The following CADM4 variants were observed in gnomAD, a reference collection of about 807,000 sequenced individuals.
The protein encoded by CADM4 is TSLC1-like 2.
Under a neutral mutation model 43.9 loss-of-function variants are expected in CADM4, and 13 were observed. The observed-to-expected ratio is 0.30, with a 90% CI of 0.19 to 0.47. The LOEUF (loss-of-function observed/expected upper bound fraction) is 0.47. Ranked by LOEUF, CADM4 falls within the 20% of genes least tolerant of loss-of-function variation. The probability of loss-of-function intolerance (pLI) is 1.00; values close to 1 mark genes in which losing one functional copy is unlikely to be tolerated. For missense variants in CADM4, 420 were observed against 527.0 expected, an observed-to-expected ratio of 0.80 and a Z score of 1.99; for synonymous variants, 209 against 220.9, an observed-to-expected ratio of 0.95 and a Z score of 0.48.
At chr19:43,639,884 C>T, upstream of CADM4, 2 of 941,950 alleles carry the variant, frequency 2.1e-6, no homozygotes, top group East Asian at 1.2e-4. Context: ...GCCCCCTGCC[C>T]GCCCGGGGGC....
At position 43,627,089 on chromosome 19, in the gene CADM4, G is replaced by T. The variant is rs1166476405; in HGVS notation, c.364+77C>A. ...ATCCAGGATGTTAAAAATAGCCATG[G>T]TCTGAAAGTCTCAGGAGAAGAGAGA... On this transcript the variant is annotated intron_variant, in intron 3 of 8. Transcript: ENST00000222374. This position sits in a 1 kb window ranked among gnomAD's most constrained non-coding sequence, Gnocchi z 4.0. 4 of 1,505,008 alleles carry T rather than the reference G, an allele frequency of 2.7e-6. No homozygotes were observed. The African/African-American group carries it at 5.6e-5, about 21-fold the overall frequency. The allele number at this position is 1,505,008 out of a possible 1,614,324, so 93.2% of individuals were successfully genotyped here.
upstream of CADM4, among the ~76,000 whole-genome samples, chr19:43,641,686 T>C (rs1467808761): frequency 2.0e-5 from 3 of 152,190 alleles, no homozygotes; most frequent in Non-Finnish European, 4.4e-5. Flanking sequence ...CCCAGATCCA[T>C]AGCCCTGAGC....
intron 1 of CADM4, among the ~76,000 whole-genome samples, chr19:43,628,422 G>A (rs1358971574): frequency 5.3e-5 from 8 of 149,976 alleles, no homozygotes; most frequent in Admixed American, 2.0e-4. Context: ...GCGACAGAGC[G>A]AGACTCTGTC....
At chr19:43,630,536 G>A (rs994748186) in intron 1 of CADM4, among the ~76,000 whole-genome samples, 7 of 151,702 alleles carry the variant, frequency 4.6e-5, no homozygotes, top group Admixed American at 1.3e-4. Flanking sequence ...CACCCGCCTC[G>A]GCCTCCCAAA....
chr19:43,637,490 T>C (rs1189364940), intron 1 of CADM4, among the ~76,000 whole-genome samples: 1 of 152,148 alleles, frequency 6.6e-6, no homozygotes, highest in African/African-American at 2.4e-5. Context: ...GGGTAAGGCT[T>C]GGACCCAAGT....
In CADM4 at chr19:43,622,496, G is replaced by A. The variant is rs1048141155; in HGVS notation, c.*834C>T. The A allele has an allele frequency of 3.3e-5, 5 of 152,356 alleles. No individual in the cohort carries two copies. The East Asian group carries it at 9.7e-4, about 29-fold the overall frequency. 9.4% of individuals were successfully genotyped at this position (152,356 alleles called of 1,614,324 possible). A position where few individuals can be genotyped will look rare whatever the true frequency, so the allele number is the denominator to read the frequency against. ...TTTTTTGTTTTTTAACAAGAAAAAG[G>A]GGGCAAAAGCCAGGAATGGGGAGAG... On this transcript the variant is annotated 3_prime_UTR_variant, in exon 9 of 9. Transcript: ENST00000222374.
At chr19:43,640,894 C>T (rs1026934403), upstream of CADM4, among the ~76,000 whole-genome samples, 1 of 152,128 alleles carries the variant, frequency 6.6e-6, no homozygotes, top group African/African-American at 2.4e-5. Context: ...GGAAAGAAGG[C>T]CTCGACCTCT....
rs374847122 is a variant in CADM4 at position 43,626,110 on chromosome 19, C to G, written c.664+14G>C. On this transcript the variant is annotated intron_variant, in intron 5 of 8. Transcript: ENST00000222374. This position sits in a 1 kb window ranked among gnomAD's most constrained non-coding sequence, Gnocchi z 5.9. ...CGTTGGGATCCCTTGGGTCCTGGCC[C>G]GCCGGTCACTTACACTGCACATCCA... The G allele has an allele frequency of 8.1e-6, 13 of 1,613,264 alleles. No individual in the cohort carries two copies. The highest frequency in any genetic ancestry group is 9.3e-6 in the Non-Finnish European group (11 of 1,179,638).
chr19:43,623,449 T>TCTGTCACCCCCTCA lies in CADM4; in HGVS notation c.1058-11_1058-10insTGAGGGGGTGACAG. 1.3e-6 allele frequency: 2 copies of TCTGTCACCCCCTCA among 1,588,550 alleles called. No individual in the cohort carries two copies. Among genetic ancestry groups the TCTGTCACCCCCTCA allele is most frequent in the Non-Finnish European group, 1.7e-6 (2 of 1,157,234 alleles). On this transcript the variant is annotated splice_polypyrimidine_tract_variant and intron_variant, in intron 8 of 8. Coordinates refer to ENST00000222374, the MANE Select transcript of CADM4 (RefSeq NM_145296.2). The surrounding 1 kb of genome is among the most constrained non-coding windows in gnomAD (Gnocchi z 4.4). ...TGGGTCAGATAGGAACCTGAGGGGG[T>TCTGTCACCCCCTCA]GACAGACCCCCGGGGCAGGGGGGAC...
At chr19:43,635,767 T>C (rs150389661) in intron 1 of CADM4, among the ~76,000 whole-genome samples, 2,724 of 83,586 alleles carry the variant, frequency 0.033, 39 homozygotes, top group African/African-American at 0.045. Context: ...TCCCTCAGAC[T>C]CAGGAGTCTA....
intron 1 of CADM4, among the ~76,000 whole-genome samples, chr19:43,629,778 C>T (rs889272736): frequency 4.0e-5 from 6 of 151,896 alleles, no homozygotes; most frequent in African/African-American, 1.5e-4. Flanking sequence ...ACCACCATGC[C>T]GGGCTAATTT....
At position 43,626,095 on chromosome 19, in the gene CADM4, C is replaced by T; in HGVS notation, c.664+29G>A. 6.2e-7 allele frequency: 1 copy of T among 1,612,370 alleles called. No individual in the cohort carries two copies. The highest frequency in any genetic ancestry group is 8.5e-7 in the Non-Finnish European group (1 of 1,179,180). ...GGTGCGGGTGGCTGGCGTTGGGATC[C>T]CTTGGGTCCTGGCCCGCCGGTCACT... On this transcript the variant is annotated intron_variant, in intron 5 of 8. Coordinates refer to ENST00000222374, the MANE Select transcript of CADM4 (RefSeq NM_145296.2). This position sits in a 1 kb window ranked among gnomAD's most constrained non-coding sequence, Gnocchi z 5.9.
At chr19:43,637,796 C>T (rs1269146084) in intron 1 of CADM4, among the ~76,000 whole-genome samples, 2 of 152,140 alleles carry the variant, frequency 1.3e-5, no homozygotes, top group African/African-American at 4.8e-5. Context: ...GATCCAGGAA[C>T]TCCAAGACAT....
Position 43,638,708 on chromosome 19 carries a change from C to T in CADM4, c.64+1019G>A, listed in dbSNP as rs1568545429. On this transcript the variant is annotated intron_variant, in intron 1 of 8. Transcript: ENST00000222374. ...CCTGGACAGGGGCTTCTCTGTGAGT[C>T]AAGCCTGGGTGTGTGAATGGGTGAG... Among the ~76,000 whole-genome samples the T allele has an allele frequency of 3.9e-5, 6 of 152,326 alleles. No homozygotes were observed. The South Asian group carries it at 1.2e-3, about 32-fold the overall frequency.
At chr19:43,629,603 T>C (rs2146145073) in intron 1 of CADM4, among the ~76,000 whole-genome samples, 1 of 152,160 alleles carries the variant, frequency 6.6e-6, no homozygotes, top group Admixed American at 6.5e-5. Context: ...CTGTGTAAGG[T>C]AGACATGATT....
chr19:43,626,159 T>G lies in CADM4; in HGVS notation c.629A>C (p.His210Pro). ...EAQNQALPSG[H>P]SKQTQYVLDV... ...CAGCACGTACTGCGTCTGCTTGCTG[T>G]GTCCGGAGGGCAGCGCCTGGTTCTG... Residue 210 changes from histidine (H) to proline (P), a missense_variant, in exon 5 of 9, where the codon CAC becomes CCC. His to Pro is a moderately conservative substitution (Grantham distance 77). Transcript: ENST00000222374. The surrounding 1 kb of genome is among the most constrained non-coding windows in gnomAD (Gnocchi z 5.9). 1 of 1,614,012 alleles carries G rather than the reference T, an allele frequency of 6.2e-7. No homozygotes were observed. The highest frequency in any genetic ancestry group is 8.5e-7 in the Non-Finnish European group (1 of 1,179,976).
At chr19:43,630,513 T>G (rs1359808943) in intron 1 of CADM4, among the ~76,000 whole-genome samples, 2 of 149,924 alleles carry the variant, frequency 1.3e-5, no homozygotes, top group African/African-American at 2.5e-5. Context: ...CTGGAACTCC[T>G]GACCTCGTGA....
At chr19:43,638,414 C>T (rs1568545303) in intron 1 of CADM4, among the ~76,000 whole-genome samples, 1 of 152,260 alleles carries the variant, frequency 6.6e-6, no homozygotes, top group African/African-American at 2.4e-5. Context: ...CAGCCCCATG[C>T]CACCTGGTTA....
intron 1 of CADM4, among the ~76,000 whole-genome samples, chr19:43,639,475 C>A (rs1973743814): frequency 6.6e-6 from 1 of 150,430 alleles, no homozygotes; most frequent in Non-Finnish European, 1.5e-5. Context: ...GTAGGGGGGT[C>A]TCGGGCCCTT....
Sources: allele counts gnomAD v4.1 joint callset (sites outside exome capture counted in the v4.1 genomes callset), GRCh38; gene constraint gnomAD v4.1.1; non-coding constraint Gnocchi (gnomAD v3.1); transcripts MANE v1.5; gene names NCBI Gene and HGNC (gene_info 2026-07-23, HGNC 2026-07-21).